Variants in SV2B observed in about 807,000 individuals in gnomAD.
SV2B encodes the protein solute carrier family 22 member B2.
A neutral mutation model predicts 73.9 loss-of-function variants in SV2B; 41 were observed. The observed-to-expected ratio is 0.56, with a 90% confidence interval of 0.43 to 0.72. The LOEUF (loss-of-function observed/expected upper bound fraction) is 0.72. SV2B is among the 30% of genes least tolerant of loss of function. The pLI is 0.00. For missense variants in SV2B, 764 were observed against 857.8 expected (o/e 0.89, Z 1.37); for synonymous variants, 314 against 314.2 (o/e 1.00, Z 0.01).
At chr15:91,257,241 A>T (rs1399624846) in intron 4 of SV2B, among the ~76,000 whole-genome samples, 1 of 152,234 alleles carries the variant, frequency 6.6e-6, no homozygotes, top group African/African-American at 2.4e-5. Context: ...CAGGTGAAGT[A>T]TAATGGGTTG....
rs1462636013 is a variant in SV2B, at chr15:91,139,433, A to G, written c.-392+39070A>G. Among the ~76,000 whole-genome samples the G allele has an allele frequency of 6.6e-6, 1 of 152,210 alleles. No homozygotes were observed. The highest frequency in any genetic ancestry group is 2.4e-5 in the African/African-American group (1 of 41,458). ...CCATAATATCAACAGCAGCAAAAAT[A>G]CCACCCTTGAGCTAAAACCAGAGCT... is the stretch of plus-strand genomic sequence containing the variant. On this transcript the variant is annotated intron_variant, in intron 1 of 12. Coordinates refer to ENST00000394232, the MANE Select transcript of SV2B (RefSeq NM_001323032.3). The surrounding 1 kb of genome is among the most constrained non-coding windows in gnomAD (Gnocchi z 5.2).
At chr15:91,248,736 A>T (rs1209384547) in intron 2 of SV2B, among the ~76,000 whole-genome samples, 5 of 152,232 alleles carry the variant, frequency 3.3e-5, no homozygotes, top group Admixed American at 1.3e-4. Context: ...TTAGAGATGC[A>T]GAATCTCAGG....
chr15:91,202,228 G>C (rs1465485815), intron 1 of SV2B, among the ~76,000 whole-genome samples: 1 of 152,092 alleles, frequency 6.6e-6, no homozygotes, highest in South Asian at 2.1e-4. Flanking sequence ...TTGTTTATTT[G>C]TATATTTCCT....
chr15:91,107,784 A>AT (rs2041930033), intron 1 of SV2B, among the ~76,000 whole-genome samples: 1 of 151,890 alleles, frequency 6.6e-6, no homozygotes, highest in South Asian at 2.1e-4. Flanking sequence ...TAATTTTTAA[A>AT]TTTTTTTGTA....
intron 1 of SV2B, among the ~76,000 whole-genome samples, chr15:91,199,185 C>A (rs1229691491): frequency 6.6e-6 from 1 of 151,992 alleles, no homozygotes; most frequent in South Asian, 2.1e-4. Context: ...TTAAAAAAAT[C>A]ATGTAAACTA....
rs2141495231 is a variant in SV2B, at chr15:91,227,974, T to G, written c.451+1260T>G. Among the ~76,000 whole-genome samples, 1 of 152,306 alleles carries G rather than the reference T, an allele frequency of 6.6e-6. No individual in the cohort carries two copies. The highest frequency in any genetic ancestry group is 1.5e-5 in the Non-Finnish European group (1 of 68,008). ...CACAATAGCAGCTTTGAACAACACGTAAACAAATGGGCTGTGTTCCAATTA... is the reference window on the plus strand; with the variant it reads ...CACAATAGCAGCTTTGAACAACACGGAAACAAATGGGCTGTGTTCCAATTA... On this transcript the variant is annotated intron_variant, in intron 2 of 12. Transcript: ENST00000394232. This position sits in a 1 kb window ranked among gnomAD's most constrained non-coding sequence, Gnocchi z 4.5.
At chr15:91,165,588 C>T (rs2043885925) in intron 1 of SV2B, among the ~76,000 whole-genome samples, 1 of 152,144 alleles carries the variant, frequency 6.6e-6, no homozygotes, top group African/African-American at 2.4e-5. Context: ...TGTCCTAGAA[C>T]TAATCCTCTA....
intron 1 of SV2B, among the ~76,000 whole-genome samples, chr15:91,173,329 C>T (rs529853307): frequency 1.1e-4 from 16 of 152,194 alleles, no homozygotes; most frequent in African/African-American, 3.6e-4. Flanking sequence ...GCCACCAGTG[C>T]GTGGTACGAG....
intron 9 of SV2B, among the ~76,000 whole-genome samples, chr15:91,272,825 C>T (rs2048358667): frequency 1.5e-5 from 2 of 131,798 alleles, no homozygotes; most frequent in South Asian, 2.5e-4. Context: ...TGAGCATATT[C>T]GTCTTTTTTT....
In SV2B at chr15:91,261,214, G is replaced by A. The variant is rs887555061; in HGVS notation, c.1008+805G>A. Among the ~76,000 whole-genome samples, 1 of 152,022 alleles carries A rather than the reference G, an allele frequency of 6.6e-6. No homozygotes were observed. Among genetic ancestry groups the A allele is most frequent in the Non-Finnish European group, 1.5e-5 (1 of 68,022 alleles). On this transcript the variant is annotated intron_variant, in intron 6 of 12. Transcript: ENST00000394232. This position sits in a 1 kb window ranked among gnomAD's most constrained non-coding sequence, Gnocchi z 4.7. Reference sequence around the variant, plus strand: ...GGATGCAGAGGTTGCAGTGAGCTGAGATAGTGCCACTGCACTCCAGCCTGG... The same window carrying A: ...GGATGCAGAGGTTGCAGTGAGCTGAAATAGTGCCACTGCACTCCAGCCTGG...
chr15:91,248,009 C>T (rs1332891906), intron 2 of SV2B, among the ~76,000 whole-genome samples: 1 of 152,108 alleles, frequency 6.6e-6, no homozygotes, highest in Admixed American at 6.5e-5. Flanking sequence ...TATTTTGGAG[C>T]ACCTGTGATA....
chr15:91,169,349 G>T (rs1260844978), intron 1 of SV2B, among the ~76,000 whole-genome samples: 1 of 152,156 alleles, frequency 6.6e-6, no homozygotes, highest in Non-Finnish European at 1.5e-5. Context: ...TGGCCAGCAT[G>T]TTTCAGTACT....
intron 1 of SV2B, among the ~76,000 whole-genome samples, chr15:91,164,684 A>G (rs1380851018): frequency 1.3e-5 from 2 of 152,230 alleles, no homozygotes; most frequent in South Asian, 2.1e-4. Flanking sequence ...GCCTACCATA[A>G]TGATATACCA....
Position 91,197,560 on chromosome 15 carries a change from C to G in SV2B, c.-391-28313C>G, listed in dbSNP as rs1417335720. Among the ~76,000 whole-genome samples the G allele has an allele frequency of 1.3e-5, 2 of 150,496 alleles. No individual in the cohort carries two copies. The highest frequency in any genetic ancestry group is 2.9e-5 in the Non-Finnish European group (2 of 67,898). ...TAATAGAAGAAAAAAAAAACCAAACCAAACCAAACAAAACAAAACAAAATC... is the reference window on the plus strand; with the variant it reads ...TAATAGAAGAAAAAAAAAACCAAACGAAACCAAACAAAACAAAACAAAATC... On this transcript the variant is annotated intron_variant, in intron 1 of 12. Coordinates refer to ENST00000394232, the MANE Select transcript of SV2B (RefSeq NM_001323032.3). This position sits in a 1 kb window ranked among gnomAD's most constrained non-coding sequence, Gnocchi z 4.9.
Position 91,242,162 on chromosome 15 carries a change from C to T in SV2B, c.452-9657C>T, listed in dbSNP as rs2047043752. Among the ~76,000 whole-genome samples, 1 of 152,222 alleles carries T rather than the reference C, an allele frequency of 6.6e-6. No homozygotes were observed. Among genetic ancestry groups the T allele is most frequent in the Non-Finnish European group, 1.5e-5 (1 of 68,052 alleles). ...TCTTTATTGGACATCTAAGCTACCT[C>T]TGTCTCCTCGTTTTCCACCTGCCCA... On this transcript the variant is annotated intron_variant, in intron 2 of 12. Transcript: ENST00000394232. This position sits in a 1 kb window ranked among gnomAD's most constrained non-coding sequence, Gnocchi z 4.9.
At chr15:91,260,493 C>A in intron 6 of SV2B, 84 bp downstream of exon 6, 1 of 1,091,018 alleles carries the variant, frequency 9.2e-7, no homozygotes, top group Non-Finnish European at 1.3e-6. Flanking sequence ...AAGCACATAA[C>A]AGGAAATTTG....
chr15:91,176,988 A>T lies in SV2B; in HGVS notation c.-391-48885A>T, dbSNP rs1015604147. The stretch of plus-strand genomic sequence containing the variant: ...GCCCATGCCTACGTCCTGAATGGTA[A>T]TGCCTAGGTTTTCTTCTAGGGTTTT... On this transcript the variant is annotated intron_variant, in intron 1 of 12. Transcript: ENST00000394232. 5.3e-5 allele frequency among the ~76,000 whole-genome samples: 8 copies of T among 151,998 alleles called. No homozygotes were observed. The East Asian group carries it at 5.8e-4, about 11-fold the overall frequency.
At chr15:91,101,281 C>T (rs2041716637) in intron 1 of SV2B, among the ~76,000 whole-genome samples, 2 of 151,876 alleles carry the variant, frequency 1.3e-5, no homozygotes, top group Admixed American at 6.6e-5. Flanking sequence ...GCACTGTAGT[C>T]GGCTCAGCGG....
chr15:91,146,568 A>G (rs1308763999), intron 1 of SV2B, among the ~76,000 whole-genome samples: 2 of 152,360 alleles, frequency 1.3e-5, no homozygotes, highest in African/African-American at 2.4e-5. Flanking sequence ...GATTTTTCCT[A>G]TCCATGAGGA....
Sources: gnomAD v4.1 joint callset for allele counts (sites outside exome capture counted in the v4.1 genomes callset) on GRCh38, gnomAD v4.1.1 for gene constraint, Gnocchi (gnomAD v3.1) non-coding constraint, MANE v1.5 for transcripts, NCBI Gene and HGNC (gene_info 2026-07-23, HGNC 2026-07-21) for gene names.